AP3B1: variants seen among roughly 807,000 people sequenced by gnomAD.
The protein encoded by AP3B1 is adaptor related protein complex 3 subunit beta 1, also known as AP-3 complex subunit beta-1.
Under a neutral mutation model 132.5 loss-of-function variants are expected in AP3B1, and 61 were observed. The ratio of observed to expected loss-of-function variants is 0.46; its 90% CI spans 0.37 to 0.57. AP3B1 has a LOEUF of 0.57. Ranked by LOEUF, AP3B1 falls within the 20% of genes least tolerant of loss-of-function variation. The pLI, the probability that AP3B1 is intolerant of heterozygous loss-of-function variation, is 0.00. For synonymous variants in AP3B1, 388 were observed against 438.3 expected (o/e 0.89, Z 1.43); for missense variants, 1,120 against 1,289.4 (o/e 0.87, Z 2.01).
At chr5:78,142,183 A>G (rs1177763381) in intron 14 of AP3B1, among the ~76,000 whole-genome samples, 4 of 152,214 alleles carry the variant, frequency 2.6e-5, no homozygotes, top group Non-Finnish European at 5.9e-5. Flanking sequence ...CTGCATTTCA[A>G]TATAATTTAT....
At chr5:78,117,747 T>C (rs1027742128) in intron 17 of AP3B1, among the ~76,000 whole-genome samples, 13 of 152,234 alleles carry the variant, frequency 8.5e-5, no homozygotes, top group Admixed American at 7.2e-4. Flanking sequence ...ATTGTATTAG[T>C]AACAGCATTT....
Position 78,041,969 on chromosome 5 carries a change from C to A in AP3B1, c.2578-2695G>T. On this transcript the variant is annotated intron_variant, in intron 22 of 26. Transcript: ENST00000255194. ...TCCTTGAGCTGCTGCACGCAGTACT[C>A]ATCAGTGGGCTTGGCTGTATATACT... The A allele has an allele frequency of 1.5e-5, 3 of 197,078 alleles. No individual in the cohort carries two copies. In the South Asian group the frequency reaches 3.3e-4, roughly 22 times the overall value. 12.2% of individuals were successfully genotyped at this position (197,078 alleles called of 1,614,324 possible).
chr5:78,033,834 T>C (rs974042535), intron 24 of AP3B1, among the ~76,000 whole-genome samples: 2 of 151,780 alleles, frequency 1.3e-5, no homozygotes, highest in African/African-American at 4.8e-5. Context: ...GCCAACTGCA[T>C]AAATGTTCTC....
rs532882405 is a variant in AP3B1 at position 78,219,142 on chromosome 5, T to G, written c.604-2905A>C. Among the ~76,000 whole-genome samples the G allele has an allele frequency of 5.9e-5, 9 of 152,222 alleles. No individual in the cohort carries two copies. The East Asian group carries it at 1.3e-3, about 23-fold the overall frequency. On this transcript the variant is annotated intron_variant, in intron 6 of 26. Coordinates refer to ENST00000255194, the MANE Select transcript of AP3B1 (RefSeq NM_003664.5). ...CAAAAATCAAAAAGAGGAAATTTTA[T>G]GTCATCAAAAATATATACATAAATC...
chr5:78,076,762 C>T (rs1366820975), intron 22 of AP3B1, among the ~76,000 whole-genome samples: 1 of 152,140 alleles, frequency 6.6e-6, no homozygotes, highest in Non-Finnish European at 1.5e-5. Context: ...TCAATAAAGA[C>T]TCTGGATGTC....
chr5:78,025,970 T>A (rs1747325221), intron 24 of AP3B1, among the ~76,000 whole-genome samples: 1 of 152,238 alleles, frequency 6.6e-6, no homozygotes, highest in South Asian at 2.1e-4. Flanking sequence ...AAAATTTACT[T>A]TCATTTACAT....
intron 7 of AP3B1, among the ~76,000 whole-genome samples, chr5:78,196,355 A>G (rs1745075604): frequency 6.6e-6 from 1 of 152,256 alleles, no homozygotes; most frequent in African/African-American, 2.4e-5. Flanking sequence ...GACAAAATCC[A>G]GAAACTTGAT....
At chr5:78,023,026 C>T (rs1244436981) in intron 24 of AP3B1, among the ~76,000 whole-genome samples, 1 of 152,112 alleles carries the variant, frequency 6.6e-6, no homozygotes, top group Non-Finnish European at 1.5e-5. Context: ...TATACAGCTT[C>T]CCCAGGGTGG....
At chr5:78,255,663 T>C (rs1370272672) in intron 2 of AP3B1, among the ~76,000 whole-genome samples, 2 of 151,974 alleles carry the variant, frequency 1.3e-5, no homozygotes, top group East Asian at 3.9e-4. Flanking sequence ...ACTTCAACAT[T>C]CCACTTTCAG....
chr5:78,163,700 GAAAT>G (rs1488624574), intron 12 of AP3B1, among the ~76,000 whole-genome samples: 3 of 147,082 alleles, frequency 2.0e-5, no homozygotes, highest in Non-Finnish European at 3.0e-5. Flanking sequence ...TAAAAATAAA[GAAAT>G]AAATCACTGA....
intron 7 of AP3B1, among the ~76,000 whole-genome samples, chr5:78,195,095 C>A (rs1745025886): frequency 6.6e-6 from 1 of 150,806 alleles, no homozygotes; most frequent in African/African-American, 2.4e-5. Flanking sequence ...AAAATGGGGA[C>A]CAATTTATAC....
intron 15 of AP3B1, 120 bp from the exon 16 acceptor site, chr5:78,129,427 A>C: frequency 1.1e-6 from 1 of 879,474 alleles, no homozygotes; most frequent in South Asian, 1.4e-5. Context: ...ATGTTGTTCC[A>C]TAGGGAATAC....
At chr5:78,241,956 C>G (rs1487808572) in intron 2 of AP3B1, among the ~76,000 whole-genome samples, 1 of 152,204 alleles carries the variant, frequency 6.6e-6, no homozygotes, top group Non-Finnish European at 1.5e-5. Flanking sequence ...TAATACTTCT[C>G]AGAACACATG....
chr5:78,042,464 G>A (rs964230837), intron 22 of AP3B1: 2 of 152,464 alleles, frequency 1.3e-5, no homozygotes, highest in South Asian at 2.1e-4. Flanking sequence ...TCAAACTCCT[G>A]GCTTCCAGCA....
At chr5:78,171,955 T>C (rs1006444613) in intron 11 of AP3B1, among the ~76,000 whole-genome samples, 3 of 152,218 alleles carry the variant, frequency 2.0e-5, no homozygotes, top group Admixed American at 6.5e-5. Context: ...TGAAGGGCTG[T>C]TGAATTTTGC....
chr5:78,067,717 G>A (rs1411087535), intron 22 of AP3B1, among the ~76,000 whole-genome samples: 1 of 152,102 alleles, frequency 6.6e-6, no homozygotes, highest in African/African-American at 2.4e-5. Flanking sequence ...AAACCAATGA[G>A]AACAAAGAGA....
chr5:78,235,165 TTTTTAAAATATTC>T (rs1254539580), intron 3 of AP3B1, among the ~76,000 whole-genome samples: 3 of 152,200 alleles, frequency 2.0e-5, no homozygotes, highest in South Asian at 2.1e-4. Flanking sequence ...CTGGTTTGGT[TTTTTAAAATATTC>T]TTTTAAAATA....
chr5:78,198,725 ATC>A (rs1396535318), intron 7 of AP3B1, among the ~76,000 whole-genome samples: 2 of 152,296 alleles, frequency 1.3e-5, no homozygotes, highest in South Asian at 2.1e-4. Context: ...ATTGTGTTAC[ATC>A]TCTCTGACAT....
intron 3 of AP3B1, among the ~76,000 whole-genome samples, chr5:78,232,583 G>C (rs1168996591): frequency 6.6e-6 from 1 of 152,214 alleles, no homozygotes; most frequent in Non-Finnish European, 1.5e-5. Flanking sequence ...AAAAAGCACA[G>C]TTGTCCCTTG....
Sources: allele counts gnomAD v4.1 joint callset (sites outside exome capture counted in the v4.1 genomes callset), GRCh38; gene constraint gnomAD v4.1.1; transcripts MANE v1.5; gene names NCBI Gene and HGNC (gene_info 2026-07-23, HGNC 2026-07-21).